The following MLXIP variants were observed in gnomAD, a reference collection of about 807,000 sequenced individuals.
The protein encoded by MLXIP is MLX interacting protein, also known as MLX-interacting protein.
In MLXIP, 30 loss-of-function variants were observed where a neutral mutation model predicts 87.2. The observed-to-expected ratio is 0.34, with a 90% CI of 0.26 to 0.47. MLXIP has a LOEUF of 0.47. Among genes scored for constraint, MLXIP ranks in the 20% least tolerant of loss-of-function variants. The pLI, the probability that MLXIP is intolerant of heterozygous loss-of-function variation, is 1.00. For missense variants in MLXIP, 1,002 were observed against 1,240.1 expected (o/e 0.81, Z 2.88); for synonymous variants, 530 against 514.0 (o/e 1.03, Z -0.42).
At position 122,132,355 on chromosome 12, in the gene MLXIP, T is replaced by C. The variant is rs78186857; in HGVS notation, c.1064T>C (p.Val355Ala). The C allele has an allele frequency of 2.5e-6, 4 of 1,612,948 alleles. No homozygotes were observed. The highest frequency in any genetic ancestry group is 3.4e-6 in the Non-Finnish European group (4 of 1,179,524). ...CTACCTGCATCTGCCTCAGCACCTG[T>C]ACCAGATCCCAACAACCCACCTGCA... ...SMLPASASAPVPDPNNPPAQE... is the reference protein window; with the variant it reads ...SMLPASASAPAPDPNNPPAQE... Residue 355 changes from valine (V) to alanine (A), a missense_variant, in exon 8 of 17, where the codon GTA becomes GCA. Coordinates refer to ENST00000319080, the MANE Select transcript of MLXIP (RefSeq NM_014938.6).
At chr12:122,079,712 T>G (rs1952063890) in intron 1 of MLXIP, among the ~76,000 whole-genome samples, 1 of 152,220 alleles carries the variant, frequency 6.6e-6, no homozygotes. Flanking sequence ...GGAGCCTGTT[T>G]CCTCCTTTAT....
chr12:122,092,475 A>G (rs1006653153), intron 1 of MLXIP, among the ~76,000 whole-genome samples: 16 of 152,110 alleles, frequency 1.1e-4, no homozygotes, highest in African/African-American at 3.1e-4. Context: ...CAGGACCATA[A>G]TCTTCTGAAT....
intron 7 of MLXIP, among the ~76,000 whole-genome samples, chr12:122,131,640 G>A (rs915524264): frequency 1.3e-5 from 2 of 151,504 alleles, no homozygotes; most frequent in Non-Finnish European, 2.9e-5. Flanking sequence ...TTGTAAAGAC[G>A]GGGGTCTGCT....
At position 122,145,288 on chromosome 12, in the gene MLXIP, A is replaced by T. The variant is rs1423022086; in HGVS notation, c.*3476A>T. The T allele has an allele frequency of 6.6e-6, 1 of 152,244 alleles. No individual in the cohort carries two copies. The highest frequency in any genetic ancestry group is 1.5e-5 in the Non-Finnish European group (1 of 68,092). 9.4% of individuals were successfully genotyped at this position (152,244 alleles called of 1,614,324 possible). On this transcript the variant is annotated 3_prime_UTR_variant, in exon 17 of 17. Transcript: ENST00000319080. ...TGGTCCCGGAGCTGTCAGCCAGGGGAGTGGGGTCAGCCGTCAGCCAGCCCT... is the reference window on the plus strand; with the variant it reads ...TGGTCCCGGAGCTGTCAGCCAGGGGTGTGGGGTCAGCCGTCAGCCAGCCCT...
chr12:122,106,897 C>T (rs1166672616), intron 1 of MLXIP, among the ~76,000 whole-genome samples: 1 of 152,114 alleles, frequency 6.6e-6, no homozygotes, highest in Non-Finnish European at 1.5e-5. Flanking sequence ...CCACAGCACC[C>T]GGCCTTCACT....
chr12:122,134,033 A>G (rs1953036418), intron 9 of MLXIP, 46 bp downstream of exon 9: 6 of 1,530,420 alleles, frequency 3.9e-6, no homozygotes, highest in Non-Finnish European at 5.3e-6. Flanking sequence ...CCCGACCCAG[A>G]GGGATGTTTT....
intron 1 of MLXIP, among the ~76,000 whole-genome samples, chr12:122,104,363 GT>G (rs1952486189): frequency 6.6e-6 from 1 of 152,066 alleles, no homozygotes; most frequent in Non-Finnish European, 1.5e-5. Flanking sequence ...CTTTCCGTGT[GT>G]TTTGTATAAA....
intron 11 of MLXIP, chr12:122,136,080 G>C (rs1953085802): frequency 5.7e-6 from 1 of 176,526 alleles, no homozygotes; most frequent in Non-Finnish European, 1.2e-5. Flanking sequence ...GCCTTCCCCA[G>C]CAGGTCTCAG....
chr12:122,123,168 G>T (rs1246315705), intron 1 of MLXIP, among the ~76,000 whole-genome samples: 1 of 152,138 alleles, frequency 6.6e-6, no homozygotes, highest in Non-Finnish European at 1.5e-5. Context: ...GTCGTCCAGG[G>T]TGTCCCTTCC....
rs780016174 is a variant in MLXIP at position 122,135,701 on chromosome 12, G to T, written c.2032+35G>T. ...CACTCGGCGGGATGGTTGGGGCATCGCAAGGGAAGTAACTGGGCCTGCCGT... is the reference window on the plus strand; with the variant it reads ...CACTCGGCGGGATGGTTGGGGCATCTCAAGGGAAGTAACTGGGCCTGCCGT... On this transcript the variant is annotated intron_variant, in intron 11 of 16. Coordinates refer to ENST00000319080, the MANE Select transcript of MLXIP (RefSeq NM_014938.6). This position sits in a 1 kb window ranked among gnomAD's most constrained non-coding sequence, Gnocchi z 5.3. The T allele has an allele frequency of 2.1e-6, 3 of 1,457,952 alleles. No homozygotes were observed. The highest frequency in any genetic ancestry group is 2.9e-5 in the South Asian group (2 of 69,460). 90.3% of individuals were successfully genotyped at this position (1,457,952 alleles called of 1,614,324 possible).
intron 1 of MLXIP, among the ~76,000 whole-genome samples, chr12:122,101,997 A>G (rs1952445730): frequency 6.6e-6 from 1 of 152,184 alleles, no homozygotes; most frequent in Non-Finnish European, 1.5e-5. Context: ...TCCTTTGATG[A>G]CTATCCTTGT....
Position 122,146,368 on chromosome 12 carries a change from C to T in MLXIP, c.*4556C>T, listed in dbSNP as rs1043764. On this transcript the variant is annotated 3_prime_UTR_variant, in exon 17 of 17. Transcript: ENST00000319080. ...ACAGGTTTTTGTGATGTGAGGGACA[C>T]GCATGGGGCACATGGTAAGCTTGGC... The T allele has an allele frequency of 0.71, 107,744 of 151,616 alleles. 38,949 individuals are homozygous for T. The highest frequency in any genetic ancestry group is 0.85 in the Middle Eastern group (249 of 294). The allele number at this position is 151,616 out of a possible 1,614,324, so 9.4% of individuals were successfully genotyped here.
chr12:122,104,957 T>C (rs1357202787), intron 1 of MLXIP, among the ~76,000 whole-genome samples: 1 of 152,200 alleles, frequency 6.6e-6, no homozygotes, highest in East Asian at 1.9e-4. Flanking sequence ...CCCAGTTGTC[T>C]TGAAGTCCGT....
chr12:122,094,957 GTGTT>G (rs1435693751), intron 1 of MLXIP, among the ~76,000 whole-genome samples: 1 of 150,454 alleles, frequency 6.6e-6, no homozygotes, highest in East Asian at 2.0e-4. Context: ...GTATTGGTGT[GTGTT>G]GGTGTGTTTG....
At chr12:122,086,996 C>T (rs138561723) in intron 1 of MLXIP, among the ~76,000 whole-genome samples, 2,820 of 152,236 alleles carry the variant, frequency 0.019, 82 homozygotes, top group African/African-American at 0.065. Context: ...TCTGGATCCG[C>T]CCAGCTTGAG....
intron 14 of MLXIP, 46 bp downstream of exon 14, chr12:122,138,597 T>C: frequency 6.3e-7 from 1 of 1,576,620 alleles, no homozygotes; most frequent in South Asian, 1.2e-5. Flanking sequence ...CCCATCCCGA[T>C]GCAGGGCCTG....
chr12:122,097,853 C>CG lies in MLXIP; in HGVS notation c.413+18587_413+18588insG, dbSNP rs199868084. On this transcript the variant is annotated intron_variant, in intron 1 of 16. Transcript: ENST00000319080. ...GTTTTGGAATCCATGGGTTCCCCCT[C>CG]CCCACAAGAAACCTTGGCAGAAGGC... Among the ~76,000 whole-genome samples, 52 of 151,938 alleles carry CG rather than the reference C, an allele frequency of 3.4e-4. 1 individual carries two copies. In the East Asian group the frequency reaches 5.0e-3, roughly 15 times the overall value.
chr12:122,117,380 A>G lies in MLXIP; in HGVS notation c.414-9876A>G, dbSNP rs77622019. ...GCCCCTCCCGCGTGCCAGCTCCTCA[A>G]TGAACCTTTGTTCGTCTGTAGCCTG... On this transcript the variant is annotated intron_variant, in intron 1 of 16. Coordinates refer to ENST00000319080, the MANE Select transcript of MLXIP (RefSeq NM_014938.6). Among the ~76,000 whole-genome samples, 701 of 152,302 alleles carry G rather than the reference A, an allele frequency of 4.6e-3. 7 individuals are homozygous for G. Among genetic ancestry groups the G allele is most frequent in the African/African-American group, 0.016 (665 of 41,558 alleles).
chr12:122,130,528 A>G (rs1317335574), intron 6 of MLXIP, among the ~76,000 whole-genome samples: 1 of 151,088 alleles, frequency 6.6e-6, no homozygotes, highest in Non-Finnish European at 1.5e-5. Context: ...CTTCCAGTTA[A>G]CCTCTCAGGG....
Sources: gnomAD v4.1 joint callset for allele counts (sites outside exome capture counted in the v4.1 genomes callset) on GRCh38, gnomAD v4.1.1 for gene constraint, Gnocchi (gnomAD v3.1) non-coding constraint, MANE v1.5 for transcripts, NCBI Gene and HGNC (gene_info 2026-07-23, HGNC 2026-07-21) for gene names.